Variants in SLC1A7 observed in about 807,000 individuals in gnomAD.
The protein encoded by SLC1A7 is solute carrier family 1 member 7, also known as excitatory amino acid transporter 5.
Under a neutral mutation model 47.7 loss-of-function variants are expected in SLC1A7, and 40 were observed. That is an observed-to-expected ratio of 0.84 (90% CI 0.65 to 1.09). SLC1A7 has a LOEUF of 1.09. Ranked by LOEUF, SLC1A7 falls within the 50% of genes least tolerant of loss-of-function variation. The pLI is 0.00. For synonymous variants in SLC1A7, 323 were observed against 325.6 expected (o/e 0.99, Z 0.09); for missense variants, 746 against 769.5 (o/e 0.97, Z 0.36).
chr1:53,130,991 C>G (rs55747612), intron 2 of SLC1A7, among the ~76,000 whole-genome samples: 10,569 of 152,250 alleles, frequency 0.069, 426 homozygotes, highest in Middle Eastern at 0.14. Context: ...TATCTCCCCC[C>G]TGAAGGTTTA....
intron 5 of SLC1A7, among the ~76,000 whole-genome samples, chr1:53,098,498 A>T (rs1644528972): frequency 6.9e-6 from 1 of 144,518 alleles, no homozygotes; most frequent in Non-Finnish European, 1.5e-5. Flanking sequence ...CACCCTTGTT[A>T]CACTCAAACT....
intron 5 of SLC1A7, among the ~76,000 whole-genome samples, chr1:53,098,243 T>C (rs1644523756): frequency 3.0e-5 from 4 of 134,700 alleles, no homozygotes; most frequent in South Asian, 2.5e-4. Flanking sequence ...CGCCTCAGTA[T>C]ACTCACCCTG....
chr1:53,103,421 C>T lies in SLC1A7; in HGVS notation c.622G>A (p.Val208Ile), dbSNP rs1350290752. Residue 208 changes from valine to isoleucine, a missense_variant, in exon 5 of 11, where the codon GTC (valine) becomes ATC (isoleucine). Transcript: ENST00000371494. ...GTGCCCGGCTCTGACTTGTAAACGA[C>T]CTCGGGCGGCGGGGTCAGGTCCAGG... is the stretch of plus-strand genomic sequence containing the variant. ...FALDLTPPPE[V>I]VYKSEPGTSD... The T allele has an allele frequency of 1.2e-6, 2 of 1,611,766 alleles. No homozygotes were observed. Among genetic ancestry groups the T allele is most frequent in the East Asian group, 2.2e-5 (1 of 44,798 alleles).
chr1:53,125,694 G>T (rs1644874861), intron 2 of SLC1A7, among the ~76,000 whole-genome samples: 1 of 152,214 alleles, frequency 6.6e-6, no homozygotes, highest in African/African-American at 2.4e-5. Flanking sequence ...GGGGTCTGGA[G>T]GCATCCCTGT....
At chr1:53,114,619 GC>G in intron 3 of SLC1A7, 138 bp downstream of exon 3, 1 of 711,574 alleles carries the variant, frequency 1.4e-6, no homozygotes, top group Admixed American at 2.3e-5. Context: ...CCAGCGGGCA[GC>G]CCAGAGCTCA....
chr1:53,101,600 A>C (rs1443635666), intron 5 of SLC1A7, among the ~76,000 whole-genome samples: 1 of 123,104 alleles, frequency 8.1e-6, no homozygotes, highest in Non-Finnish European at 1.7e-5. Flanking sequence ...AACCCGCCTC[A>C]GTACACTCAC....
At chr1:53,097,920 A>G (rs1644517000) in intron 5 of SLC1A7, among the ~76,000 whole-genome samples, 1 of 132,912 alleles carries the variant, frequency 7.5e-6, no homozygotes, top group Non-Finnish European at 1.6e-5. Flanking sequence ...CCACCTTGGT[A>G]TACTCACCCC....
chr1:53,087,925 G>T lies in SLC1A7; in HGVS notation c.*84C>A. The T allele has an allele frequency of 1.4e-6, 1 of 730,086 alleles. No homozygotes were observed. The highest frequency in any genetic ancestry group is 2.1e-6 in the Non-Finnish European group (1 of 477,798). 45.2% of individuals were successfully genotyped at this position (730,086 alleles called of 1,614,324 possible). A position where few individuals can be genotyped will look rare whatever the true frequency, so the allele number is the denominator to read the frequency against. On this transcript the variant is annotated 3_prime_UTR_variant, in exon 11 of 11. Coordinates refer to ENST00000371494, the MANE Select transcript of SLC1A7 (RefSeq NM_006671.6). ...GAATGTGTGATCCTGGCCCCTGCCG[G>T]CTGCTCAGGAGGGTTGGAGAGTCGA...
At chr1:53,104,726 C>G (rs1346734494) in intron 4 of SLC1A7, among the ~76,000 whole-genome samples, 2 of 152,242 alleles carry the variant, frequency 1.3e-5, no homozygotes, top group Non-Finnish European at 2.9e-5. Flanking sequence ...CTCTCTATAC[C>G]TCAGCCACTT....
chr1:53,093,191 G>A (rs888223450), intron 6 of SLC1A7, among the ~76,000 whole-genome samples: 1 of 152,210 alleles, frequency 6.6e-6, no homozygotes, highest in Non-Finnish European at 1.5e-5. Flanking sequence ...AGCTGATAAG[G>A]CTCCATGTGA....
chr1:53,142,239 T>C, intron 1 of SLC1A7, 76 bp downstream of exon 1: 1 of 1,477,356 alleles, frequency 6.8e-7, no homozygotes, highest in Non-Finnish European at 9.1e-7. Context: ...GCTGTGATGC[T>C]AGAACGGGAC....
At position 53,090,673 on chromosome 1, in the gene SLC1A7, C is replaced by T. The variant is rs755953710; in HGVS notation, c.1165G>A (p.Ala389Thr). ...DGTALYEAVA[A>T]IFIAQVNNYE... ...TTGTTGACCTGGGCGATGAAGATGG[C>T]GGCCACAGCCTCGTAGAGCGCAGTG... Residue 389 changes from alanine (A) to threonine (T), a missense_variant, in exon 8 of 11, where the codon GCC (alanine) becomes ACC (threonine). By Grantham distance (58) the Ala-to-Thr change is moderately conservative (BLOSUM62 0). Transcript: ENST00000371494. 40 of 1,612,012 alleles carry T rather than the reference C, an allele frequency of 2.5e-5. No individual in the cohort carries two copies. Among genetic ancestry groups the T allele is most frequent in the Admixed American group, 3.3e-5 (2 of 59,940 alleles).
At chr1:53,091,966 C>A (rs1198972097) in intron 7 of SLC1A7, among the ~76,000 whole-genome samples, 1 of 152,246 alleles carries the variant, frequency 6.6e-6, no homozygotes, top group African/African-American at 2.4e-5. Context: ...AGGCCAAGTG[C>A]TGGTTCACCT....
At chr1:53,103,280 G>T in intron 5 of SLC1A7, 66 bp downstream of exon 5, 1 of 1,205,520 alleles carries the variant, frequency 8.3e-7, no homozygotes, top group African/African-American at 1.5e-5. Context: ...AGGTGGAGGA[G>T]CAGGCTGCTG....
chr1:53,092,728 G>C lies in SLC1A7; in HGVS notation c.857C>G (p.Pro286Arg), dbSNP rs763191758. ...GCCCAGCTTCTTGCCGACGGCCCTG[G>C]GGTCGTCCATCTCCAGGATCTTACC... ...IAGKILEMDD[P>R]RAVGKKLGFY... The change falls in exon 7 of 11, where the codon CCC (proline) becomes CGC (arginine). Residue 286 changes from proline (P) to arginine (R), a missense_variant. Transcript: ENST00000371494. 16 of 1,613,868 alleles carry C rather than the reference G, an allele frequency of 9.9e-6. No homozygotes were observed. The Admixed American group carries it at 2.7e-4, about 27-fold the overall frequency.
chr1:53,141,411 AC>A (rs1572357300), intron 1 of SLC1A7, among the ~76,000 whole-genome samples: 1 of 151,196 alleles, frequency 6.6e-6, no homozygotes. Context: ...CTTGATAACT[AC>A]CCCCCTACCA....
intron 2 of SLC1A7, among the ~76,000 whole-genome samples, chr1:53,132,326 G>A (rs11590819): frequency 0.08 from 12,184 of 152,166 alleles, 628 homozygotes; most frequent in African/African-American, 0.15. Context: ...GAGTCTGGAC[G>A]TGAGAAGAGA....
chr1:53,104,131 A>C (rs533011388), intron 4 of SLC1A7, among the ~76,000 whole-genome samples: 43 of 152,306 alleles, frequency 2.8e-4, no homozygotes, highest in African/African-American at 9.9e-4. Flanking sequence ...CTGGGAGCCC[A>C]AAAAGGGAGC....
intron 2 of SLC1A7, among the ~76,000 whole-genome samples, chr1:53,132,151 G>T (rs1488706735): frequency 6.6e-6 from 1 of 152,156 alleles, no homozygotes; most frequent in African/African-American, 2.4e-5. Flanking sequence ...GGGCCTCCTA[G>T]ACCAGGTTAA....
Sources: gnomAD v4.1 joint callset for allele counts (sites outside exome capture counted in the v4.1 genomes callset) on GRCh38, gnomAD v4.1.1 for gene constraint, MANE v1.5 for transcripts, NCBI Gene and HGNC (gene_info 2026-07-23, HGNC 2026-07-21) for gene names.